NLGN1: variants seen among roughly 807,000 people sequenced by gnomAD.
NLGN1 encodes the protein neuroligin-1.
NLGN1 carries 12 observed loss-of-function variants against 65.5 expected under a neutral mutation model. That is an observed-to-expected ratio of 0.18 (90% CI 0.12 to 0.30). The LOEUF (loss-of-function observed/expected upper bound fraction) is 0.30, where lower values mean the gene tolerates loss of function less well. Ranked by LOEUF, NLGN1 falls within the 10% of genes least tolerant of loss-of-function variation. The probability of loss-of-function intolerance (pLI) is 1.00; values close to 1 mark genes in which losing one functional copy is unlikely to be tolerated. For missense variants in NLGN1, 750 were observed against 1,007.1 expected (o/e 0.74, Z 3.46); for synonymous variants, 350 against 359.5 (o/e 0.97, Z 0.30).
At chr3:173,913,950 G>T (rs974846295) in intron 4 of NLGN1, among the ~76,000 whole-genome samples, 3 of 152,142 alleles carry the variant, frequency 2.0e-5, no homozygotes, top group South Asian at 2.1e-4. Flanking sequence ...ACACTGCACC[G>T]CAGGAAACTT....
intron 4 of NLGN1, among the ~76,000 whole-genome samples, chr3:174,209,910 C>A (rs144272139): frequency 6.6e-6 from 1 of 151,872 alleles, no homozygotes; most frequent in African/African-American, 2.4e-5. Context: ...GGATTACAGG[C>A]GTGAACCACC....
intron 4 of NLGN1, among the ~76,000 whole-genome samples, chr3:174,052,239 GA>G: frequency 6.6e-6 from 1 of 151,938 alleles, no homozygotes; most frequent in African/African-American, 2.4e-5. Context: ...TTGTGTAGGG[GA>G]AAACTCAATG....
At chr3:173,678,869 A>T (rs1763540483) in intron 3 of NLGN1, among the ~76,000 whole-genome samples, 1 of 152,146 alleles carries the variant, frequency 6.6e-6, no homozygotes, top group South Asian at 2.1e-4. Flanking sequence ...AATTGAAAAG[A>T]TGGACCTATT....
chr3:173,996,955 A>T (rs1380666728), intron 4 of NLGN1, among the ~76,000 whole-genome samples: 1 of 152,142 alleles, frequency 6.6e-6, no homozygotes, highest in Non-Finnish European at 1.5e-5. Context: ...CGTAATATAA[A>T]TCCCAAATCT....
chr3:173,890,804 T>C lies in NLGN1; in HGVS notation c.646+82972T>C, dbSNP rs563944109. ...CACATGGCAATAGGAGCCAGTGCTC[T>C]AATAAAAGCCTTCATTAAAATATGG... On this transcript the variant is annotated intron_variant, in intron 4 of 6. Transcript: ENST00000457714. Among the ~76,000 whole-genome samples, 45 of 152,310 alleles carry C rather than the reference T, an allele frequency of 3.0e-4. 2 individuals carry two copies. The highest frequency in any genetic ancestry group is 3.4e-3 in the Middle Eastern group (1 of 294).
At chr3:174,036,667 G>T (rs139289425) in intron 4 of NLGN1, among the ~76,000 whole-genome samples, 4 of 149,754 alleles carry the variant, frequency 2.7e-5, no homozygotes, top group Non-Finnish European at 5.9e-5. Context: ...AACTTGTGTC[G>T]TGGGAGTTCA....
At chr3:174,163,754 G>A (rs1039726978) in intron 4 of NLGN1, among the ~76,000 whole-genome samples, 1 of 152,008 alleles carries the variant, frequency 6.6e-6, no homozygotes, top group Non-Finnish European at 1.5e-5. Flanking sequence ...TGCTGCAAAG[G>A]AAATGATTTT....
intron 4 of NLGN1, among the ~76,000 whole-genome samples, chr3:174,191,877 T>G (rs1277506709): frequency 6.6e-6 from 1 of 152,184 alleles, no homozygotes; most frequent in Non-Finnish European, 1.5e-5. Flanking sequence ...GTTTGAGCTT[T>G]GCACCTATCT....
intron 4 of NLGN1, among the ~76,000 whole-genome samples, chr3:173,989,910 G>A (rs1720742490): frequency 6.6e-6 from 1 of 152,078 alleles, no homozygotes; most frequent in Admixed American, 6.6e-5. Context: ...TTGCACTCAA[G>A]CTCTTCCTTC....
At chr3:173,625,709 G>A (rs1021726817) in intron 3 of NLGN1, among the ~76,000 whole-genome samples, 1 of 152,070 alleles carries the variant, frequency 6.6e-6, no homozygotes, top group South Asian at 2.1e-4. Flanking sequence ...AAATAATGAG[G>A]TTAAGGAGTA....
At chr3:173,707,957 T>C (rs1412617186) in intron 3 of NLGN1, among the ~76,000 whole-genome samples, 1 of 152,350 alleles carries the variant, frequency 6.6e-6, no homozygotes, top group South Asian at 2.1e-4. Context: ...GTTCAAAAAT[T>C]AATGCCTTTT....
At chr3:174,130,250 T>A (rs900300728) in intron 4 of NLGN1, among the ~76,000 whole-genome samples, 5 of 152,140 alleles carry the variant, frequency 3.3e-5, no homozygotes, top group African/African-American at 1.2e-4. Flanking sequence ...GGCAGGCACC[T>A]GTAATCCCAG....
chr3:173,484,583 T>C (rs1231647370), intron 2 of NLGN1, among the ~76,000 whole-genome samples: 3 of 152,120 alleles, frequency 2.0e-5, no homozygotes, highest in African/African-American at 7.2e-5. Context: ...ATTAAAAGTC[T>C]CCTTCAAGTC....
intron 4 of NLGN1, among the ~76,000 whole-genome samples, chr3:174,088,842 A>G (rs1743974805): frequency 6.6e-6 from 1 of 151,940 alleles, no homozygotes. Flanking sequence ...AAAATCAACA[A>G]GGATCCAAAT....
intron 3 of NLGN1, among the ~76,000 whole-genome samples, chr3:173,734,955 A>G (rs981551030): frequency 6.6e-6 from 1 of 152,082 alleles, no homozygotes; most frequent in Admixed American, 6.6e-5. Flanking sequence ...CTTTATGACT[A>G]ATGTGGCACA....
chr3:173,940,212 C>G (rs1745809005), intron 4 of NLGN1, among the ~76,000 whole-genome samples: 1 of 151,330 alleles, frequency 6.6e-6, no homozygotes, highest in Non-Finnish European at 1.5e-5. Flanking sequence ...CCTCAGCCTC[C>G]TGAATAGCTG....
intron 4 of NLGN1, among the ~76,000 whole-genome samples, chr3:174,194,821 G>A (rs1577305170): frequency 7.2e-6 from 1 of 139,650 alleles, no homozygotes; most frequent in Non-Finnish European, 1.6e-5. Flanking sequence ...GACCCAGAAA[G>A]AAAGTTTCAG....
chr3:173,592,368 C>T (rs567783096), intron 2 of NLGN1, among the ~76,000 whole-genome samples: 7 of 152,280 alleles, frequency 4.6e-5, no homozygotes, highest in East Asian at 1.9e-4. Context: ...ATGCAGAAGA[C>T]GATGCTGTCA....
chr3:173,443,540 A>T (rs1211981186), intron 2 of NLGN1, among the ~76,000 whole-genome samples: 3 of 152,094 alleles, frequency 2.0e-5, no homozygotes, highest in African/African-American at 7.2e-5. Context: ...TATATATTGT[A>T]TGTGCAGTAT....
Sources: gnomAD v4.1 joint callset for allele counts (sites outside exome capture counted in the v4.1 genomes callset) on GRCh38, gnomAD v4.1.1 for gene constraint, MANE v1.5 for transcripts, NCBI Gene and HGNC (gene_info 2026-07-23, HGNC 2026-07-21) for gene names.